Variants in DNAJC13 observed in about 807,000 individuals in gnomAD.
The protein encoded by DNAJC13 is DnaJ heat shock protein family (Hsp40) member C13, also known as dnaJ homolog subfamily C member 13.
DNAJC13 carries 75 observed loss-of-function variants against 290.5 expected under a neutral mutation model. The ratio of observed to expected loss-of-function variants is 0.26; its 90% CI spans 0.21 to 0.31. DNAJC13 has a LOEUF of 0.31. Among genes scored for constraint, DNAJC13 ranks in the 10% least tolerant of loss-of-function variants. DNAJC13 has a pLI of 1.00. For synonymous variants in DNAJC13, 862 were observed against 892.0 expected, an observed-to-expected ratio of 0.97 and a Z score of 0.60; for missense variants, 2,260 against 2,674.5, an observed-to-expected ratio of 0.85 and a Z score of 3.42.
chr3:132,464,333 A>T (rs1262266153), intron 17 of DNAJC13, among the ~76,000 whole-genome samples: 1 of 152,204 alleles, frequency 6.6e-6, no homozygotes, highest in Non-Finnish European at 1.5e-5. Context: ...ATATAAACAC[A>T]TAAATTTATT....
At chr3:132,514,397 G>T (rs1430373765) in intron 45 of DNAJC13, among the ~76,000 whole-genome samples, 174 bp from the exon 46 acceptor site, 1 of 152,050 alleles carries the variant, frequency 6.6e-6, no homozygotes, top group Non-Finnish European at 1.5e-5. Context: ...AAACCTCAAG[G>T]TATTATTTCC....
chr3:132,506,909 A>G (rs1444764587), intron 42 of DNAJC13, among the ~76,000 whole-genome samples: 2 of 152,088 alleles, frequency 1.3e-5, no homozygotes, highest in Non-Finnish European at 2.9e-5. Flanking sequence ...CTGTCATCCT[A>G]CGTCTTACTA....
chr3:132,448,156 A>G (rs1483893842), intron 5 of DNAJC13, among the ~76,000 whole-genome samples: 4 of 152,150 alleles, frequency 2.6e-5, no homozygotes, highest in Non-Finnish European at 4.4e-5. Flanking sequence ...TGGGGGGAAA[A>G]AAAGGCAAAA....
chr3:132,428,245 C>T (rs1208240511), intron 1 of DNAJC13, among the ~76,000 whole-genome samples: 2 of 152,274 alleles, frequency 1.3e-5, no homozygotes, highest in East Asian at 1.9e-4. Flanking sequence ...CCTTCATTAG[C>T]GAGTTACGTG....
Position 132,434,146 on chromosome 3 carries a change from C to A in DNAJC13, c.-13-392C>A, listed in dbSNP as rs1442641162. ...AATGGCGTGAACGCGGGAGGCGGAGCTTGCAGTGAGCCGAGATCTCGCCAC... is the reference window on the plus strand; with the variant it reads ...AATGGCGTGAACGCGGGAGGCGGAGATTGCAGTGAGCCGAGATCTCGCCAC... On this transcript the variant is annotated intron_variant, in intron 1 of 55. Transcript: ENST00000260818. Among the ~76,000 whole-genome samples, 9 of 151,240 alleles carry A rather than the reference C, an allele frequency of 6.0e-5. No individual in the cohort carries two copies. The Admixed American group carries it at 6.0e-4, about 10-fold the overall frequency.
intron 2 of DNAJC13, among the ~76,000 whole-genome samples, chr3:132,437,983 G>A (rs79790129): frequency 0.1 from 15,654 of 150,858 alleles, 1,332 homozygotes; most frequent in East Asian, 0.5. Context: ...CCCTGGAGGC[G>A]GAGACTGCAG....
chr3:132,460,337 G>T lies in DNAJC13; in HGVS notation c.1537G>T (p.Glu513Ter). ...AAAGAAGTTTCTGGAAAACTTACTG[G>T]AGAAATTTAATTCCCATGTGGTAAG... ...SSKKFLENLLEKFNSHVDHGT... is the reference protein window; with the variant it reads ...SSKKFLENLL The change falls in exon 14 of 56, where the codon GAG (glutamate) becomes TAG (stop). Residue 513 changes from glutamate (E) to a stop codon, truncating the protein, a stop_gained. Transcript: ENST00000260818. LOFTEE classifies it high-confidence loss of function. The T allele has an allele frequency of 6.2e-7, 1 of 1,609,022 alleles. No homozygotes were observed. Among genetic ancestry groups the T allele is most frequent in the South Asian group, 1.1e-5 (1 of 90,868 alleles).
intron 20 of DNAJC13, among the ~76,000 whole-genome samples, chr3:132,471,645 A>T (rs1934264780): frequency 8.1e-6 from 1 of 122,944 alleles, no homozygotes; most frequent in Admixed American, 8.1e-5. Context: ...ATCTCAGACG[A>T]TGGGCGGCCG....
chr3:132,466,192 C>T, intron 18 of DNAJC13, 107 bp from the exon 19 acceptor site: 12 of 1,398,158 alleles, frequency 8.6e-6, no homozygotes, highest in South Asian at 3.8e-5. Flanking sequence ...TAGGAGTTAC[C>T]GTAAAGTTTT....
intron 55 of DNAJC13, among the ~76,000 whole-genome samples, chr3:132,537,421 G>A (rs904553702): frequency 3.4e-5 from 5 of 148,714 alleles, no homozygotes; most frequent in Admixed American, 6.6e-5. Flanking sequence ...GCAAGTACTT[G>A]TTAGTTTGTG....
At chr3:132,537,099 C>G in intron 55 of DNAJC13, 2 of 456,206 alleles carry the variant, frequency 4.4e-6, no homozygotes, top group South Asian at 3.1e-5. Flanking sequence ...TCAAACTACT[C>G]TGCTGTTTGC....
Position 132,447,869 on chromosome 3 carries a change from A to G in DNAJC13, c.295-29A>G, listed in dbSNP as rs915291247. On this transcript the variant is annotated intron_variant, in intron 4 of 55. Coordinates refer to ENST00000260818, the MANE Select transcript of DNAJC13 (RefSeq NM_015268.4). ...AAGTTTTCCTTACCAGTCTGTTGTC[A>G]TAAACTGTGGTTATGTTTTCTCTTT... 6.9e-6 allele frequency: 11 copies of G among 1,594,600 alleles called. No individual in the cohort carries two copies. The African/African-American group carries it at 1.5e-4, about 21-fold the overall frequency.
At chr3:132,535,687 C>T (rs1301729760) in intron 55 of DNAJC13, among the ~76,000 whole-genome samples, 1 of 152,128 alleles carries the variant, frequency 6.6e-6, no homozygotes, top group African/African-American at 2.4e-5. Context: ...GTAGCCAATT[C>T]AGTTTTGTGG....
intron 2 of DNAJC13, among the ~76,000 whole-genome samples, chr3:132,446,169 G>C (rs1386017246): frequency 1.3e-5 from 2 of 151,506 alleles, no homozygotes; most frequent in African/African-American, 4.9e-5. Context: ...GGATCTTTCA[G>C]CATCCTCAGC....
chr3:132,461,414 A>G (rs1429223252), intron 15 of DNAJC13, among the ~76,000 whole-genome samples: 2 of 152,194 alleles, frequency 1.3e-5, no homozygotes, highest in Non-Finnish European at 2.9e-5. Flanking sequence ...AAGAAAAAAA[A>G]ATTGCAAAAA....
chr3:132,482,269 A>G lies in DNAJC13; in HGVS notation c.2918A>G (p.Glu973Gly), dbSNP rs1266461961. 1.9e-6 allele frequency: 3 copies of G among 1,613,760 alleles called. No homozygotes were observed. Among genetic ancestry groups the G allele is most frequent in the Non-Finnish European group, 8.5e-7 (1 of 1,179,832 alleles). The change falls in exon 27 of 56, where the codon GAA becomes GGA. Residue 973 changes from glutamate (E) to glycine (G), a missense_variant. By Grantham distance (98) the Glu-to-Gly change is moderately conservative. Around this residue, in one of 3 missense-constraint regions of DNAJC13, gnomAD observed 1,494 missense variants for 1,693.7 expected, o/e 0.88. Transcript: ENST00000260818. ...EAAPDMKRES[E>G]KEWYFGNADK... ...GCTCCAGATATGAAAAGAGAGAGTG[A>G]AAAGGAATGGTATTTTGGCAACGCA...
At position 132,513,023 on chromosome 3, in the gene DNAJC13, G is replaced by A. The variant is rs1935823775; in HGVS notation, c.5309G>A (p.Cys1770Tyr). ...IKYNPGSESE[C>Y]IGHFKLIFSL... Reference sequence around the variant, plus strand: ...TATTCTCTAGGTTCTGAGAGTGAATGCATTGGGCACTTTAAGTTGATATTT... The same window carrying A: ...TATTCTCTAGGTTCTGAGAGTGAATACATTGGGCACTTTAAGTTGATATTT... Residue 1770 changes from cysteine (C) to tyrosine (Y), a missense_variant, in exon 45 of 56, where the codon TGC becomes TAC. Cys to Tyr is a radical substitution (Grantham distance 194). Around this residue, in one of 3 missense-constraint regions of DNAJC13, gnomAD observed 1,494 missense variants for 1,693.7 expected, o/e 0.88. Transcript: ENST00000260818. 3.1e-6 allele frequency: 5 copies of A among 1,612,738 alleles called. No homozygotes were observed. The African/African-American group carries it at 5.3e-5, about 17-fold the overall frequency.
rs544253722 is a variant in DNAJC13, at chr3:132,518,168, C to T, written c.5673+1352C>T. Among the ~76,000 whole-genome samples the T allele has an allele frequency of 5.9e-5, 9 of 152,246 alleles. No individual in the cohort carries two copies. In the South Asian group the frequency reaches 1.9e-3, roughly 32 times the overall value. On this transcript the variant is annotated intron_variant, in intron 48 of 55. Coordinates refer to ENST00000260818, the MANE Select transcript of DNAJC13 (RefSeq NM_015268.4). Reference sequence around the variant, plus strand: ...TGGCGTGCTGCACCCATTAACTCGTCAATAGTGTTTTAGACGCTTAAGTAT... The same window carrying T: ...TGGCGTGCTGCACCCATTAACTCGTTAATAGTGTTTTAGACGCTTAAGTAT...
At chr3:132,479,179 AT>A in intron 24 of DNAJC13, 47 bp from the exon 25 acceptor site, 1 of 1,278,418 alleles carries the variant, frequency 7.8e-7, no homozygotes, top group Non-Finnish European at 1.1e-6. Flanking sequence ...TAATACCTTA[AT>A]TTTTATTTCT....
Sources: gnomAD v4.1 joint callset for allele counts (sites outside exome capture counted in the v4.1 genomes callset) on GRCh38, gnomAD v4.1.1 for gene constraint, gnomAD v4.1.1 regional missense constraint, MANE v1.5 for transcripts, NCBI Gene and HGNC (gene_info 2026-07-23, HGNC 2026-07-21) for gene names.